The following SINHCAF variants were observed in gnomAD, a reference collection of about 807,000 sequenced individuals.
The protein encoded by SINHCAF is SIN3-HDAC complex-associated factor.
SINHCAF carries 3 observed loss-of-function variants against 25.8 expected under a neutral mutation model. The ratio of observed to expected loss-of-function variants is 0.12; its 90% CI spans 0.05 to 0.30. SINHCAF has a LOEUF of 0.30. Ranked by LOEUF, SINHCAF falls within the 10% of genes least tolerant of loss-of-function variation. SINHCAF has a pLI of 1.00. For synonymous variants in SINHCAF, 70 were observed against 85.5 expected (o/e 0.82, Z 1.00); for missense variants, 121 against 262.3 (o/e 0.46, Z 3.72).
chr12:31,289,954 A>G (rs1938236558), intron 4 of SINHCAF, among the ~76,000 whole-genome samples: 1 of 151,418 alleles, frequency 6.6e-6, no homozygotes, highest in Admixed American at 6.6e-5. Flanking sequence ...TCTCCTGAGT[A>G]GCTGGGACCA....
chr12:31,301,359 A>G (rs1461904093), intron 1 of SINHCAF, among the ~76,000 whole-genome samples: 2 of 152,184 alleles, frequency 1.3e-5, no homozygotes, highest in Admixed American at 6.5e-5. Flanking sequence ...CCATTTTCAT[A>G]TAGTTCCGTG....
chr12:31,289,564 T>C (rs556425029), intron 4 of SINHCAF, among the ~76,000 whole-genome samples: 2 of 152,288 alleles, frequency 1.3e-5, no homozygotes, highest in East Asian at 3.9e-4. Flanking sequence ...AAAATAAGTT[T>C]CTTAGTTAAC....
chr12:31,281,501 A>C lies in SINHCAF; in HGVS notation c.*1211T>G, dbSNP rs1268593804. The C allele has an allele frequency of 6.6e-6, 1 of 152,242 alleles. No individual in the cohort carries two copies. Among genetic ancestry groups the C allele is most frequent in the Non-Finnish European group, 1.5e-5 (1 of 68,052 alleles). The allele number at this position is 152,242 out of a possible 1,614,324, so 9.4% of individuals were successfully genotyped here. On this transcript the variant is annotated 3_prime_UTR_variant, in exon 6 of 6. Coordinates refer to ENST00000337682, the MANE Select transcript of SINHCAF (RefSeq NM_001135812.2). ...TGAAGTAATCCAGAGCTGAAACTGA[A>C]TTGTGCAGATTTTCAATGAAGTCAC...
At position 31,294,274 on chromosome 12, in the gene SINHCAF, G is replaced by A. The variant is rs539881149; in HGVS notation, c.229-343C>T. Among the ~76,000 whole-genome samples, 12 of 152,244 alleles carry A rather than the reference G, an allele frequency of 7.9e-5. No homozygotes were observed. The East Asian group carries it at 9.6e-4, about 12-fold the overall frequency. On this transcript the variant is annotated intron_variant, in intron 3 of 5. Coordinates refer to ENST00000337682, the MANE Select transcript of SINHCAF (RefSeq NM_001135812.2). ...TACAGGATAATGTTTTGCAGTTTAC[G>A]AAAAGCTTTCATATACTTTTTATAT... is the stretch of plus-strand genomic sequence containing the variant.
chr12:31,319,785 C>A (rs757713693), intron 1 of SINHCAF, among the ~76,000 whole-genome samples: 4 of 152,128 alleles, frequency 2.6e-5, no homozygotes, highest in Non-Finnish European at 5.9e-5. Flanking sequence ...CCAATCTCTC[C>A]CCTTAGCTCT....
intron 4 of SINHCAF, among the ~76,000 whole-genome samples, chr12:31,291,317 C>A (rs547086392): frequency 1.0e-3 from 157 of 152,284 alleles, no homozygotes; most frequent in African/African-American, 3.6e-3. Context: ...CCATTTTTTA[C>A]TTGATTATCC....
At chr12:31,320,151 T>A (rs1053810205) in intron 1 of SINHCAF, among the ~76,000 whole-genome samples, 1 of 152,210 alleles carries the variant, frequency 6.6e-6, no homozygotes, top group Admixed American at 6.5e-5. Context: ...TAATCTTCCC[T>A]TCCAAGGTAC....
chr12:31,307,040 T>C (rs1488702390), intron 1 of SINHCAF, among the ~76,000 whole-genome samples: 3 of 152,176 alleles, frequency 2.0e-5, no homozygotes, highest in African/African-American at 7.2e-5. Context: ...AGGTCTGTCC[T>C]TGGGGTAAAA....
At chr12:31,300,434 T>G (rs1303521775) in intron 1 of SINHCAF, among the ~76,000 whole-genome samples, 6 of 152,106 alleles carry the variant, frequency 3.9e-5, no homozygotes. Context: ...TAAGAACTGT[T>G]TTAAAAAAAA....
chr12:31,301,801 A>T (rs1241315690), intron 1 of SINHCAF, among the ~76,000 whole-genome samples: 1 of 152,234 alleles, frequency 6.6e-6, no homozygotes, highest in African/African-American at 2.4e-5. Flanking sequence ...CCAAGGACAT[A>T]AAATGGTCTC....
At chr12:31,299,488 T>C (rs1346366208) in intron 1 of SINHCAF, among the ~76,000 whole-genome samples, 5 of 152,028 alleles carry the variant, frequency 3.3e-5, no homozygotes, top group African/African-American at 4.8e-5. Context: ...GGCTAACTTT[T>C]TGTATTTTTA....
intron 1 of SINHCAF, among the ~76,000 whole-genome samples, chr12:31,318,671 CA>C (rs1386647524): frequency 1.4e-5 from 2 of 144,832 alleles, no homozygotes; most frequent in Non-Finnish European, 3.0e-5. Flanking sequence ...AAAAGAGAAA[CA>C]AAACTAGGTC....
intron 1 of SINHCAF, among the ~76,000 whole-genome samples, chr12:31,309,345 C>G (rs894818513): frequency 3.9e-5 from 6 of 152,114 alleles, no homozygotes; most frequent in Non-Finnish European, 7.4e-5. Flanking sequence ...AAACCTCTCT[C>G]AAGATAATCT....
chr12:31,321,535 T>C (rs1939693379), intron 1 of SINHCAF, among the ~76,000 whole-genome samples: 2 of 152,178 alleles, frequency 1.3e-5, no homozygotes, highest in African/African-American at 4.8e-5. Context: ...AGCTAATATT[T>C]ATCAATCATG....
rs915792310 is a variant in SINHCAF at position 31,291,820 on chromosome 12, T to G, written c.355+1985A>C. 1.5e-4 allele frequency among the ~76,000 whole-genome samples: 22 copies of G among 150,704 alleles called. 1 individual carries two copies. Among genetic ancestry groups the G allele is most frequent in the Non-Finnish European group, 1.9e-4 (13 of 67,784 alleles). Reference sequence around the variant, plus strand: ...AAGAAGAGAATACAGGCCTGGTATGTGCAGGATACACAGAAGCAAACACAT... The same window carrying G: ...AAGAAGAGAATACAGGCCTGGTATGGGCAGGATACACAGAAGCAAACACAT... On this transcript the variant is annotated intron_variant, in intron 4 of 5. Coordinates refer to ENST00000337682, the MANE Select transcript of SINHCAF (RefSeq NM_001135812.2).
At chr12:31,323,830 C>G (rs1161943541) in intron 1 of SINHCAF, 2 of 422,686 alleles carry the variant, frequency 4.7e-6, no homozygotes, top group Non-Finnish European at 9.7e-6. Context: ...GGGCTGGGTC[C>G]CCTGGACTTG....
chr12:31,290,126 G>GA (rs1461417981), intron 4 of SINHCAF, among the ~76,000 whole-genome samples: 1 of 151,446 alleles, frequency 6.6e-6, no homozygotes, highest in Admixed American at 6.6e-5. Context: ...ACCTAGCCAA[G>GA]AAAATGTTTT....
chr12:31,322,510 G>A (rs1939736800), intron 1 of SINHCAF, among the ~76,000 whole-genome samples: 1 of 151,818 alleles, frequency 6.6e-6, no homozygotes, highest in South Asian at 2.1e-4. Context: ...GTTGCCTTTT[G>A]GTATTGTAAT....
chr12:31,312,887 C>T (rs987695769), intron 1 of SINHCAF, among the ~76,000 whole-genome samples: 1 of 152,104 alleles, frequency 6.6e-6, no homozygotes, highest in African/African-American at 2.4e-5. Context: ...AGTTTGTTTT[C>T]CTTTCAAATT....
Sources: allele counts gnomAD v4.1 joint callset (sites outside exome capture counted in the v4.1 genomes callset), GRCh38; gene constraint gnomAD v4.1.1; transcripts MANE v1.5; gene names NCBI Gene and HGNC (gene_info 2026-07-23, HGNC 2026-07-21).